The following NR2F1-AS1 variants were observed in gnomAD, a reference collection of about 807,000 sequenced individuals.
NR2F1-AS1 encodes the protein NR2F1 regulatory antisense RNA 1.
rs370005490 is a variant in NR2F1-AS1, at chr5:93,433,396, A to G, written n.639-37854T>C. Among the ~76,000 whole-genome samples the G allele has an allele frequency of 3.9e-5, 6 of 152,256 alleles. No homozygotes were observed. The East Asian group carries it at 7.7e-4, about 20-fold the overall frequency. Reference sequence around the variant, plus strand: ...AATTCTGTTCTTCTCAAAGTACTACACTGACTGGAGATTATGTTGTTAACT... The same window carrying G: ...AATTCTGTTCTTCTCAAAGTACTACGCTGACTGGAGATTATGTTGTTAACT... On this transcript the variant is annotated intron_variant and non_coding_transcript_variant, in intron 4 of 5. Coordinates refer to ENST00000660523, the Ensembl canonical transcript of NR2F1-AS1.
At chr5:93,538,747 T>C (rs1751890784) in intron 4 of NR2F1-AS1, among the ~76,000 whole-genome samples, 1 of 152,244 alleles carries the variant, frequency 6.6e-6, no homozygotes, top group African/African-American at 2.4e-5. Flanking sequence ...TTCTTAAATA[T>C]ACATGTAATT....
chr5:93,491,702 G>A (rs1437389505), intron 4 of NR2F1-AS1, among the ~76,000 whole-genome samples: 1 of 152,150 alleles, frequency 6.6e-6, no homozygotes, highest in African/African-American at 2.4e-5. Flanking sequence ...CTCTTCTCAA[G>A]CTAGGACATT....
chr5:93,498,442 C>G (rs1338623996), intron 4 of NR2F1-AS1, among the ~76,000 whole-genome samples: 3 of 152,002 alleles, frequency 2.0e-5, no homozygotes, highest in African/African-American at 7.2e-5. Flanking sequence ...TTACAAAATT[C>G]TTACTTCTGG....
intron 4 of NR2F1-AS1, among the ~76,000 whole-genome samples, chr5:93,458,308 T>TAACCAATA (rs1749999044): frequency 6.6e-6 from 1 of 152,180 alleles, no homozygotes; most frequent in Non-Finnish European, 1.5e-5. Context: ...TAAACTATCA[T>TAACCAATA]AACCAATATG....
At chr5:93,458,395 T>C (rs1056642085) in intron 4 of NR2F1-AS1, among the ~76,000 whole-genome samples, 2 of 152,118 alleles carry the variant, frequency 1.3e-5, no homozygotes, top group Non-Finnish European at 2.9e-5. Flanking sequence ...ATCAACTGAT[T>C]TTCAACAAAT....
intron 1 of NR2F1-AS1, among the ~76,000 whole-genome samples, chr5:93,567,936 T>G (rs530440029): frequency 1.3e-5 from 2 of 152,232 alleles, no homozygotes; most frequent in Non-Finnish European, 2.9e-5. Flanking sequence ...AAATAAATAT[T>G]ACTTTGTCCA....
At chr5:93,550,763 G>A (rs17083213) in intron 4 of NR2F1-AS1, among the ~76,000 whole-genome samples, 19,161 of 152,074 alleles carry the variant, frequency 0.13, 1,511 homozygotes, top group African/African-American at 0.22. Flanking sequence ...CTGAAATAAA[G>A]AGCTGATTAT....
At chr5:93,409,377 T>A (rs770479814) in intron 4 of NR2F1-AS1, 2 of 152,150 alleles carry the variant, frequency 1.3e-5, no homozygotes, top group Non-Finnish European at 2.9e-5. Context: ...ATCCAGTTTA[T>A]TTGGATACGT....
chr5:93,573,934 A>G (rs1038275674), intron 1 of NR2F1-AS1, among the ~76,000 whole-genome samples: 1 of 152,198 alleles, frequency 6.6e-6, no homozygotes, highest in South Asian at 2.1e-4. Flanking sequence ...AGTAATTAGC[A>G]CATATGTTCT....
chr5:93,421,418 T>G (rs988815734), intron 4 of NR2F1-AS1, among the ~76,000 whole-genome samples: 34 of 151,666 alleles, frequency 2.2e-4, no homozygotes, highest in Non-Finnish European at 3.7e-4. Flanking sequence ...GTCCCCAAAG[T>G]TATATTCTTT....
chr5:93,530,304 G>C (rs1013567953), intron 4 of NR2F1-AS1, among the ~76,000 whole-genome samples: 2 of 152,160 alleles, frequency 1.3e-5, no homozygotes, highest in South Asian at 2.1e-4. Flanking sequence ...AGAGTCTCTT[G>C]ATCTCCTGAC....
At chr5:93,427,122 G>C (rs1749211591) in intron 4 of NR2F1-AS1, among the ~76,000 whole-genome samples, 1 of 151,988 alleles carries the variant, frequency 6.6e-6, no homozygotes, top group South Asian at 2.1e-4. Flanking sequence ...CATTTAAAAG[G>C]GGCAACTGTA....
chr5:93,581,662 GTCTCGGTCTCTCTCTCTC>G (rs1753038108), upstream of NR2F1-AS1, among the ~76,000 whole-genome samples: 11 of 91,804 alleles, frequency 1.2e-4, no homozygotes, highest in Admixed American at 2.7e-4. Flanking sequence ...AGGAATCGGG[GTCTCGGTCTCTCTCTCTC>G]TCTCTCTCTC....
At chr5:93,426,546 T>A (rs948574168) in intron 4 of NR2F1-AS1, among the ~76,000 whole-genome samples, 2 of 152,218 alleles carry the variant, frequency 1.3e-5, no homozygotes, top group Admixed American at 6.5e-5. Context: ...TGTGTGATAC[T>A]GACAATTCAT....
chr5:93,512,330 T>C (rs1363104477), intron 4 of NR2F1-AS1, among the ~76,000 whole-genome samples: 1 of 152,176 alleles, frequency 6.6e-6, no homozygotes, highest in African/African-American at 2.4e-5. Context: ...TGAATGACTT[T>C]TGTGCAGCTG....
chr5:93,530,091 T>TC (rs1460634350), intron 4 of NR2F1-AS1, among the ~76,000 whole-genome samples: 34 of 146,796 alleles, frequency 2.3e-4, no homozygotes, highest in Admixed American at 2.0e-4. Context: ...TTTTTTTTTT[T>TC]TTTTTTTGAG....
At chr5:93,509,837 TAAC>T (rs1751260559) in intron 4 of NR2F1-AS1, among the ~76,000 whole-genome samples, 1 of 152,008 alleles carries the variant, frequency 6.6e-6, no homozygotes, top group Non-Finnish European at 1.5e-5. Context: ...AATATTTAAA[TAAC>T]TTTTTGAAAG....
At chr5:93,563,742 C>T (rs1440534289) in intron 1 of NR2F1-AS1, among the ~76,000 whole-genome samples, 2 of 151,446 alleles carry the variant, frequency 1.3e-5, no homozygotes, top group African/African-American at 2.5e-5. Flanking sequence ...TAGAAGCTGA[C>T]GAACATGTAA....
rs573043529 is a variant in NR2F1-AS1 at position 93,503,133 on chromosome 5, C to T, written n.638+50628G>A. Among the ~76,000 whole-genome samples, 3 of 152,266 alleles carry T rather than the reference C, an allele frequency of 2.0e-5. No homozygotes were observed. In the East Asian group the frequency reaches 5.8e-4, roughly 29 times the overall value. Reference sequence around the variant, plus strand: ...AAAACTGAATCAAGAATGTTAAAAACTATTCCCAAAATTTGAAAGTAAAAT... The same window carrying T: ...AAAACTGAATCAAGAATGTTAAAAATTATTCCCAAAATTTGAAAGTAAAAT... On this transcript the variant is annotated intron_variant and non_coding_transcript_variant, in intron 4 of 5. Coordinates refer to ENST00000660523, the Ensembl canonical transcript of NR2F1-AS1.
Sources: allele counts gnomAD v4.1 joint callset (sites outside exome capture counted in the v4.1 genomes callset), GRCh38; gene constraint gnomAD v4.1.1; transcripts MANE v1.5; gene names NCBI Gene and HGNC (gene_info 2026-07-23, HGNC 2026-07-21).